IGF1R: variants seen among roughly 807,000 people sequenced by gnomAD.
IGF1R encodes insulin-like growth factor 1 receptor.
A neutral mutation model predicts 144.6 loss-of-function variants in IGF1R; 44 were observed. The observed-to-expected ratio is 0.30, with a 90% CI of 0.24 to 0.39. The LOEUF (loss-of-function observed/expected upper bound fraction) is 0.39. IGF1R is among the 10% of genes least tolerant of loss of function. IGF1R has a pLI of 1.00. For missense variants in IGF1R, 1,355 were observed against 1,833.7 expected (o/e 0.74, Z 4.77); for synonymous variants, 795 against 722.8 (o/e 1.10, Z -1.60).
chr15:98,920,160 G>T (rs1275868995), intron 10 of IGF1R, among the ~76,000 whole-genome samples: 1 of 152,204 alleles, frequency 6.6e-6, no homozygotes, highest in African/African-American at 2.4e-5. Context: ...TTGTATTATG[G>T]GATGGAGTGG....
intron 2 of IGF1R, among the ~76,000 whole-genome samples, chr15:98,777,717 G>A (rs926171556): frequency 3.3e-5 from 5 of 152,224 alleles, no homozygotes; most frequent in Non-Finnish European, 7.3e-5. Context: ...AGTTGATGGG[G>A]AGAGCAGCAT....
intron 15 of IGF1R, among the ~76,000 whole-genome samples, chr15:98,930,787 A>G (rs377337031): frequency 7.2e-4 from 109 of 152,128 alleles, no homozygotes; most frequent in African/African-American, 2.5e-3. Context: ...GACTAGGGTC[A>G]TACGCTCGTG....
intron 2 of IGF1R, among the ~76,000 whole-genome samples, chr15:98,733,886 T>G (rs1285412343): frequency 1.3e-5 from 2 of 152,110 alleles, no homozygotes; most frequent in Non-Finnish European, 2.9e-5. Flanking sequence ...AAGTCTTATA[T>G]CTAGATAATT....
intron 13 of IGF1R, among the ~76,000 whole-genome samples, chr15:98,926,077 T>C (rs1279208337): frequency 6.6e-6 from 1 of 152,230 alleles, no homozygotes; most frequent in Admixed American, 6.5e-5. Flanking sequence ...TGTCCATCAC[T>C]ATGTATATGA....
chr15:98,706,069 C>G (rs974824141), intron 1 of IGF1R, among the ~76,000 whole-genome samples: 15 of 152,218 alleles, frequency 9.9e-5, no homozygotes, highest in African/African-American at 3.6e-4. Flanking sequence ...AGCTTGGACA[C>G]CACCTCTTGT....
intron 1 of IGF1R, among the ~76,000 whole-genome samples, chr15:98,702,040 T>TTG (rs1272085675): frequency 6.0e-5 from 9 of 148,764 alleles, no homozygotes; most frequent in Admixed American, 5.3e-4. Context: ...GCTGTTTTTT[T>TTG]TTTTTTTTTT....
intron 8 of IGF1R, 34 bp from the exon 9 acceptor site, chr15:98,915,930 C>A (rs375486630): frequency 1.2e-6 from 2 of 1,608,374 alleles, no homozygotes; most frequent in Non-Finnish European, 1.7e-6. Context: ...AAGTTCATTT[C>A]ATTTTCTAGA....
intron 2 of IGF1R, among the ~76,000 whole-genome samples, chr15:98,837,636 GT>G (rs2011111690): frequency 6.6e-6 from 1 of 152,154 alleles, no homozygotes; most frequent in South Asian, 2.1e-4. Flanking sequence ...CCAAGGTCCT[GT>G]TTCTCATCAC....
chr15:98,916,786 A>T lies in IGF1R; in HGVS notation c.2111A>T (p.Lys704Ile), dbSNP rs1325510133. 6.2e-7 allele frequency: 1 copy of T among 1,614,086 alleles called. No homozygotes were observed. The highest frequency in any genetic ancestry group is 8.5e-7 in the Non-Finnish European group (1 of 1,180,024). ...AAAGGGCCTTGCTGCGCCTGCCCCA[A>T]AACTGAAGCCGAGAAGCAGGCCGAG... ...GEKGPCCACP[K>I]TEAEKQAEKE... Residue 704 changes from lysine (K) to isoleucine (I), a missense_variant, in exon 10 of 21, where the codon AAA becomes ATA. Transcript: ENST00000650285.
rs188374948 is a variant in IGF1R, at chr15:98,961,259, C to T, written c.*3817C>T. On this transcript the variant is annotated 3_prime_UTR_variant, in exon 21 of 21. Coordinates refer to ENST00000650285, the MANE Select transcript of IGF1R (RefSeq NM_000875.5). ...ACCGGTTTCCACAACTGGATTTCTA[C>T]AGATCATTCAGCTGGTTATAAGGGT... The T allele has an allele frequency of 2.1e-5, 5 of 233,626 alleles. No individual in the cohort carries two copies. Among genetic ancestry groups the T allele is most frequent in the Admixed American group, 5.6e-5 (1 of 17,806 alleles). 14.5% of individuals were successfully genotyped at this position (233,626 alleles called of 1,614,324 possible). A position where few individuals can be genotyped will look rare whatever the true frequency, so the allele number is the denominator to read the frequency against.
At chr15:98,872,919 C>T (rs193221592) in intron 2 of IGF1R, among the ~76,000 whole-genome samples, 3 of 151,334 alleles carry the variant, frequency 2.0e-5, no homozygotes, top group Non-Finnish European at 4.4e-5. Flanking sequence ...TATAAATGGG[C>T]GTAGGCTGTT....
intron 1 of IGF1R, among the ~76,000 whole-genome samples, chr15:98,683,687 A>T (rs536142054): frequency 1.6e-4 from 24 of 152,228 alleles, no homozygotes; most frequent in Non-Finnish European, 3.5e-4. Context: ...TCACAACTAC[A>T]TCTCATCAGT....
intron 2 of IGF1R, among the ~76,000 whole-genome samples, chr15:98,882,773 G>C (rs2013445294): frequency 6.6e-6 from 1 of 152,192 alleles, no homozygotes; most frequent in African/African-American, 2.4e-5. Flanking sequence ...TAGGAAGACA[G>C]CAGACTCAAA....
At chr15:98,683,394 C>T (rs1390758695) in intron 1 of IGF1R, among the ~76,000 whole-genome samples, 1 of 152,178 alleles carries the variant, frequency 6.6e-6, no homozygotes, top group Non-Finnish European at 1.5e-5. Flanking sequence ...CTCCTTTAGT[C>T]CCATCATTGG....
chr15:98,848,527 C>T (rs980755492), intron 2 of IGF1R, among the ~76,000 whole-genome samples: 2 of 152,200 alleles, frequency 1.3e-5, no homozygotes, highest in Non-Finnish European at 2.9e-5. Flanking sequence ...CTTATTTTTC[C>T]TAACCTCTCT....
intron 11 of IGF1R, among the ~76,000 whole-genome samples, chr15:98,922,715 A>T (rs2015543126): frequency 6.6e-6 from 1 of 152,226 alleles, no homozygotes; most frequent in African/African-American, 2.4e-5. Flanking sequence ...CTTGGTGCAC[A>T]TCGTGCATTC....
At chr15:98,921,121 C>T (rs933911318) in intron 10 of IGF1R, among the ~76,000 whole-genome samples, 10 of 152,202 alleles carry the variant, frequency 6.6e-5, no homozygotes, top group African/African-American at 2.4e-4. Flanking sequence ...TTCCTAAGAC[C>T]GGTGACCCCA....
intron 7 of IGF1R, among the ~76,000 whole-genome samples, chr15:98,912,424 C>G (rs964122686): frequency 2.0e-4 from 30 of 152,200 alleles, no homozygotes; most frequent in African/African-American, 7.0e-4. Flanking sequence ...CTGTCCAGCC[C>G]TTTTAGCTGA....
rs2056575033 is a variant in IGF1R, at chr15:98,810,860, T to A, written c.641-80465T>A. ...ACCACGCCCAGCCTCTAAATGATTT[T>A]CTTAAGTGTAATTCAGGAGTTGGCA... On this transcript the variant is annotated intron_variant, in intron 2 of 20. Coordinates refer to ENST00000650285, the MANE Select transcript of IGF1R (RefSeq NM_000875.5). Among the ~76,000 whole-genome samples the A allele has an allele frequency of 2.6e-5, 4 of 152,140 alleles. 1 individual carries two copies. In the South Asian group the frequency reaches 8.3e-4, roughly 32 times the overall value.
Sources: gnomAD v4.1 joint callset for allele counts (sites outside exome capture counted in the v4.1 genomes callset) on GRCh38, gnomAD v4.1.1 for gene constraint, MANE v1.5 for transcripts, NCBI Gene and HGNC (gene_info 2026-07-23, HGNC 2026-07-21) for gene names.